The following RP1 variants were observed in gnomAD, a reference collection of about 807,000 sequenced individuals.
RP1 encodes RP1 axonemal microtubule associated.
RP1 carries 16 observed loss-of-function variants against 14.8 expected under a neutral mutation model. The observed-to-expected ratio is 1.08, with a 90% CI of 0.73 to 1.65. The LOEUF is 1.65. RP1 is among the 40% of genes most tolerant of loss of function. The pLI is 0.00. For missense variants in RP1, 2,631 were observed against 2,535.0 expected (o/e 1.04, Z -0.81); for synonymous variants, 876 against 883.6 (o/e 0.99, Z 0.15).
At chr8:54,772,435 A>G (rs1487179794), downstream of RP1, among the ~76,000 whole-genome samples, 8 of 152,290 alleles carry the variant, frequency 5.3e-5, 1 homozygote, top group East Asian at 1.3e-3. Flanking sequence ...TGAAGACCAT[A>G]TCATATGTGA....
chr8:54,807,667 T>TATC (rs1189947804), intron 24 of RP1, among the ~76,000 whole-genome samples: 4 of 54,190 alleles, frequency 7.4e-5, no homozygotes, highest in East Asian at 7.4e-4. Context: ...TCTATCTATC[T>TATC]ATCTATCTAT....
At chr8:54,855,583 G>A (rs1216161030) in intron 26 of RP1, among the ~76,000 whole-genome samples, 1 of 152,164 alleles carries the variant, frequency 6.6e-6, no homozygotes, top group Admixed American at 6.5e-5. Flanking sequence ...AGAAGATATT[G>A]TAAAAACATA....
intron 1 of RP1, among the ~76,000 whole-genome samples, chr8:54,600,123 G>T (rs771753349): frequency 6.6e-6 from 1 of 152,142 alleles, no homozygotes; most frequent in Non-Finnish European, 1.5e-5. Context: ...GGAGGGAACT[G>T]GTGGGAGGTA....
chr8:54,847,203 A>G (rs139190801), intron 25 of RP1, among the ~76,000 whole-genome samples: 74 of 152,330 alleles, frequency 4.9e-4, no homozygotes, highest in African/African-American at 1.7e-3. Flanking sequence ...TTGTAAAAAA[A>G]AGAGAGAGAT....
chr8:54,793,094 T>C (rs560881678), intron 24 of RP1, among the ~76,000 whole-genome samples: 13 of 151,734 alleles, frequency 8.6e-5, no homozygotes, highest in Non-Finnish European at 1.5e-4. Context: ...AGAGAAAACG[T>C]ATAAATTTAT....
chr8:54,848,544 A>G (rs1351376155), intron 25 of RP1, among the ~76,000 whole-genome samples: 1 of 152,218 alleles, frequency 6.6e-6, no homozygotes, highest in East Asian at 1.9e-4. Context: ...CTCCTGTATC[A>G]TCACAGAAAT....
At chr8:54,793,999 C>G (rs1810525817) in intron 24 of RP1, among the ~76,000 whole-genome samples, 1 of 151,802 alleles carries the variant, frequency 6.6e-6, no homozygotes. Flanking sequence ...TTTAAAAAAT[C>G]TGTTGCATTT....
intron 28 of RP1, chr8:54,866,019 T>G: frequency 4.6e-6 from 2 of 437,252 alleles, no homozygotes; most frequent in East Asian, 3.6e-5. Context: ...GACAACATCA[T>G]TCCCTCCCTG....
At chr8:54,590,903 C>T (rs1805031197) in intron 1 of RP1, among the ~76,000 whole-genome samples, 1 of 152,212 alleles carries the variant, frequency 6.6e-6, no homozygotes, top group African/African-American at 2.4e-5. Context: ...CTCCTCTTCT[C>T]AAGCCTTCCC....
chr8:54,625,643 C>T lies in RP1; in HGVS notation c.1761C>T (p.Asp587=). 6.2e-7 allele frequency: 1 copy of T among 1,614,034 alleles called. No individual in the cohort carries two copies. Among genetic ancestry groups the T allele is most frequent in the South Asian group, 1.1e-5 (1 of 91,068 alleles). ...ATGTAGTTGATTGTGTGGTATTGGA[C>T]AACAAAACTGGTATCAAGAACTTCA... The part of the protein sequence containing the change: ...EEDVVDCVVL[D]NKTGIKNFKT... Residue 587 remains aspartate (D), a synonymous_variant, in exon 4 of 4, where the codon GAC becomes GAT. Coordinates refer to ENST00000220676, the MANE Select transcript of RP1 (RefSeq NM_006269.2).
At position 54,621,371 on chromosome 8, in the gene RP1, G is replaced by C; in HGVS notation, c.405G>C (p.Ala135=). 2.5e-6 allele frequency: 4 copies of C among 1,612,700 alleles called. No individual in the cohort carries two copies. The highest frequency in any genetic ancestry group is 2.5e-6 in the Non-Finnish European group (3 of 1,179,836). Reference sequence around the variant, plus strand: ...GGCTCAGCAGCCGGGCCATTAGCGCGCACTCACCGCCCCACCCCGTAGCCG... The same window carrying C: ...GGCTCAGCAGCCGGGCCATTAGCGCCCACTCACCGCCCCACCCCGTAGCCG... ...RPWLSSRAIS[A]HSPPHPVAVA... The change falls in exon 2 of 4, where the codon GCG becomes GCC. Residue 135 remains alanine (A), a synonymous_variant. Coordinates refer to ENST00000220676, the MANE Select transcript of RP1 (RefSeq NM_006269.2).
Position 54,627,118 on chromosome 8 carries a change from C to T in RP1, c.3236C>T (p.Pro1079Leu), listed in dbSNP as rs745484028. 5 of 1,613,910 alleles carry T rather than the reference C, an allele frequency of 3.1e-6. No individual in the cohort carries two copies. Among genetic ancestry groups the T allele is most frequent in the South Asian group, 2.2e-5 (2 of 91,080 alleles). ...IQVDPIEEETPKDLLPVLMLH... is the reference protein window; with the variant it reads ...IQVDPIEEETLKDLLPVLMLH... The stretch of plus-strand genomic sequence containing the variant: ...GTAGATCCTATAGAAGAGGAAACTC[C>T]AAAAGACCTCTTACCAGTCCTGATG... The change falls in exon 4 of 4, where the codon CCA (proline) becomes CTA (leucine). Residue 1079 changes from proline to leucine, a missense_variant. Coordinates refer to ENST00000220676, the MANE Select transcript of RP1 (RefSeq NM_006269.2).
At chr8:54,824,306 G>C (rs1799300540) in intron 24 of RP1, among the ~76,000 whole-genome samples, 1 of 152,068 alleles carries the variant, frequency 6.6e-6, no homozygotes, top group Non-Finnish European at 1.5e-5. Flanking sequence ...TGCCAGCTTA[G>C]ATAAAATGGA....
chr8:54,849,887 G>GTTT (rs1812019121), intron 25 of RP1, among the ~76,000 whole-genome samples: 1 of 152,120 alleles, frequency 6.6e-6, no homozygotes, highest in Non-Finnish European at 1.5e-5. Context: ...GAGTGTTGAA[G>GTTT]ATAACGACAT....
At position 54,621,593 on chromosome 8, in the gene RP1, G is replaced by T; in HGVS notation, c.615+12G>T. On this transcript the variant is annotated intron_variant, in intron 2 of 3. Transcript: ENST00000220676. ...CGGACGGAAGGAGGGTGAGCGTTCTGGGGGCTCCTCGAGCCTGAGCTCATT... is the reference window on the plus strand; with the variant it reads ...CGGACGGAAGGAGGGTGAGCGTTCTTGGGGCTCCTCGAGCCTGAGCTCATT... The T allele has an allele frequency of 6.2e-7, 1 of 1,614,008 alleles. No individual in the cohort carries two copies. Among genetic ancestry groups the T allele is most frequent in the Non-Finnish European group, 8.5e-7 (1 of 1,180,018 alleles).
At chr8:54,810,402 T>A (rs1336222283) in intron 24 of RP1, among the ~76,000 whole-genome samples, 7 of 152,158 alleles carry the variant, frequency 4.6e-5, no homozygotes, top group African/African-American at 1.7e-4. Context: ...ATTTTTTAAG[T>A]CCCACCACTC....
In RP1 at chr8:54,755,742, A is replaced by G. The variant is rs1156878873; in HGVS notation, c.3065A>G (p.Asn1022Ser). Residue 1022 changes from asparagine to serine, a missense_variant, in exon 21 of 23, where the codon AAC becomes AGC. Coordinates refer to the RP1 transcript ENST00000636932. Reference sequence around the variant, plus strand: ...GGCCTCAGACAGCTGTACAAATCTAACATGCAAGTAAAATTTCAAAGAGGA... The same window carrying G: ...GGCCTCAGACAGCTGTACAAATCTAGCATGCAAGTAAAATTTCAAAGAGGA... 2.6e-6 allele frequency: 4 copies of G among 1,526,964 alleles called. No individual in the cohort carries two copies. The Admixed American group carries it at 8.0e-5, about 31-fold the overall frequency. The allele number at this position is 1,526,964 out of a possible 1,614,324, so 94.6% of individuals were successfully genotyped here.
At chr8:54,699,656 A>G (rs1807965645) in intron 13 of RP1, 1 of 615,622 alleles carries the variant, frequency 1.6e-6, no homozygotes, top group South Asian at 6.3e-5. Flanking sequence ...TAAGATTACC[A>G]TTTCCTTTTG....
Position 54,621,391 on chromosome 8 carries a change from T to A in RP1, c.425T>A (p.Val142Glu), listed in dbSNP as rs2129314375. 6.2e-7 allele frequency: 1 copy of A among 1,612,754 alleles called. No individual in the cohort carries two copies. Among genetic ancestry groups the A allele is most frequent in the Non-Finnish European group, 8.5e-7 (1 of 1,179,802 alleles). The change falls in exon 2 of 4, where the codon GTA (valine) becomes GAA (glutamate). Residue 142 changes from valine (V) to glutamate (E), a missense_variant. Coordinates refer to ENST00000220676, the MANE Select transcript of RP1 (RefSeq NM_006269.2). ...AGCGCGCACTCACCGCCCCACCCCG[T>A]AGCCGTCGCTGCTCCCGGCATGCCC... Reference protein sequence around the residue: ...AISAHSPPHPVAVAAPGMPRP... With the variant: ...AISAHSPPHPEAVAAPGMPRP...
Sources: allele counts gnomAD v4.1 joint callset (sites outside exome capture counted in the v4.1 genomes callset), GRCh38; gene constraint gnomAD v4.1.1; transcripts MANE v1.5; gene names NCBI Gene and HGNC (gene_info 2026-07-23, HGNC 2026-07-21).